ACKR3: variants seen among roughly 807,000 people sequenced by gnomAD.
ACKR3 encodes the protein atypical chemokine receptor 3.
ACKR3 carries 6 observed loss-of-function variants against 22.4 expected under a neutral mutation model. The observed-to-expected ratio is 0.27, with a 90% CI of 0.15 to 0.53. The LOEUF is 0.53. ACKR3 is among the 20% of genes least tolerant of loss of function. ACKR3 has a pLI of 0.96. For missense variants in ACKR3, 396 were observed against 475.2 expected, an observed-to-expected ratio of 0.83 and a Z score of 1.55; for synonymous variants, 209 against 205.2, an observed-to-expected ratio of 1.02 and a Z score of -0.16.
At chr2:236,550,300 T>G in the ACKR3 span, among the ~76,000 whole-genome samples, 1 of 152,222 alleles carries the variant, frequency 6.6e-6, no homozygotes, top group African/African-American at 2.4e-5. This position sits in a 1 kb window ranked among gnomAD's most constrained non-coding sequence, Gnocchi z 4.6. Flanking sequence ...GAGGTCCGCA[T>G]GGGAGATGTT....
the ACKR3 span, among the ~76,000 whole-genome samples, chr2:236,550,589 G>A: frequency 6.6e-6 from 1 of 152,124 alleles, no homozygotes; most frequent in Non-Finnish European, 1.5e-5. This position sits in a 1 kb window ranked among gnomAD's most constrained non-coding sequence, Gnocchi z 4.6. Context: ...CGGCAATGTG[G>A]GCTCTCAGAG....
chr2:236,562,074 A>G, the ACKR3 span, among the ~76,000 whole-genome samples: 1 of 152,232 alleles, frequency 6.6e-6, no homozygotes, highest in Non-Finnish European at 1.5e-5. Flanking sequence ...GTGTTCAACC[A>G]CTGAGTATGA....
At chr2:236,579,583 A>G (rs549801717) in intron 1 of ACKR3, among the ~76,000 whole-genome samples, 1 of 152,300 alleles carries the variant, frequency 6.6e-6, no homozygotes, top group Admixed American at 6.5e-5. Context: ...AGCAGGGAAA[A>G]CAGTTGGGAA....
the ACKR3 span, among the ~76,000 whole-genome samples, chr2:236,555,925 G>A: frequency 1.3e-5 from 2 of 152,144 alleles, no homozygotes; most frequent in East Asian, 1.9e-4. Flanking sequence ...TTGTTGTGAA[G>A]GATGTTTAGG....
chr2:236,579,165 G>A (rs1180604146), intron 1 of ACKR3, among the ~76,000 whole-genome samples: 1 of 152,200 alleles, frequency 6.6e-6, no homozygotes, highest in Admixed American at 6.5e-5. Flanking sequence ...TACCGCTAGC[G>A]TAGCCACCCG....
the ACKR3 span, among the ~76,000 whole-genome samples, chr2:236,540,511 A>C: frequency 8.5e-5 from 13 of 152,094 alleles, no homozygotes; most frequent in Non-Finnish European, 1.8e-4. Flanking sequence ...TTTTACTTTG[A>C]TTAACTCAAA....
chr2:236,563,611 A>T (rs1254224441), upstream of ACKR3, among the ~76,000 whole-genome samples: 1 of 152,204 alleles, frequency 6.6e-6, no homozygotes, highest in South Asian at 2.1e-4. Flanking sequence ...AAAGGCCCTG[A>T]GGTAGAAGCA....
the ACKR3 span, among the ~76,000 whole-genome samples, chr2:236,555,218 T>C: frequency 6.6e-6 from 1 of 152,346 alleles, no homozygotes; most frequent in Non-Finnish European, 1.5e-5. Flanking sequence ...TTCTTTGCTT[T>C]TGCTTTGTTT....
At chr2:236,564,049 C>G (rs952260113), upstream of ACKR3, among the ~76,000 whole-genome samples, 4 of 152,278 alleles carry the variant, frequency 2.6e-5, no homozygotes, top group African/African-American at 4.8e-5. Flanking sequence ...GGAATTGGAC[C>G]GAAAGGAAAA....
chr2:236,543,993 A>G, the ACKR3 span, among the ~76,000 whole-genome samples: 4 of 37,470 alleles, frequency 1.1e-4, no homozygotes, highest in East Asian at 6.3e-4. Context: ...ATATATATAT[A>G]CACTTTTTTT....
chr2:236,558,942 A>G, the ACKR3 span, among the ~76,000 whole-genome samples: 2 of 152,240 alleles, frequency 1.3e-5, no homozygotes, highest in African/African-American at 4.8e-5. Flanking sequence ...AATTCCCTGC[A>G]GGACTTAGAT....
chr2:236,578,019 G>A (rs940034450), intron 1 of ACKR3, among the ~76,000 whole-genome samples: 2 of 152,242 alleles, frequency 1.3e-5, no homozygotes, highest in African/African-American at 2.4e-5. Flanking sequence ...TGATGCAAAT[G>A]TGTTTCGTTT....
chr2:236,547,327 TC>T, the ACKR3 span, among the ~76,000 whole-genome samples: 3 of 152,236 alleles, frequency 2.0e-5, no homozygotes, highest in East Asian at 5.8e-4. Context: ...TTATGGAAGT[TC>T]AGGTCCTAAC....
chr2:236,544,808 G>A, the ACKR3 span, among the ~76,000 whole-genome samples: 1 of 152,204 alleles, frequency 6.6e-6, no homozygotes, highest in Admixed American at 6.5e-5. The surrounding 1 kb of genome is among the most constrained non-coding windows in gnomAD (Gnocchi z 5.0). Flanking sequence ...AGAGATGTGG[G>A]CTAGATTTGG....
chr2:236,556,365 G>A, the ACKR3 span, among the ~76,000 whole-genome samples: 1 of 152,096 alleles, frequency 6.6e-6, no homozygotes, highest in Non-Finnish European at 1.5e-5. Context: ...CCTGTGAATC[G>A]TCCCTTATAT....
At chr2:236,571,181 T>C (rs902117193) in intron 1 of ACKR3, among the ~76,000 whole-genome samples, 8 of 152,250 alleles carry the variant, frequency 5.3e-5, no homozygotes, top group Non-Finnish European at 1.2e-4. Flanking sequence ...CATCAGAATA[T>C]GAGCTTTCCC....
At chr2:236,540,795 T>C in the ACKR3 span, among the ~76,000 whole-genome samples, 1 of 152,246 alleles carries the variant, frequency 6.6e-6, no homozygotes, top group Non-Finnish European at 1.5e-5. Context: ...GGGAAATTGA[T>C]CAATCATGTA....
chr2:236,563,497 C>T (rs142675346), upstream of ACKR3, among the ~76,000 whole-genome samples: 12 of 152,152 alleles, frequency 7.9e-5, no homozygotes, highest in East Asian at 3.9e-4. Context: ...GTTAGAATGT[C>T]GAAAGAAGGT....
chr2:236,575,253 C>T (rs1691383351), intron 1 of ACKR3, among the ~76,000 whole-genome samples: 1 of 152,174 alleles, frequency 6.6e-6, no homozygotes. Context: ...CTTTTGTTCC[C>T]TCCTCCTACC....
Sources: allele counts gnomAD v4.1 joint callset (sites outside exome capture counted in the v4.1 genomes callset), GRCh38; gene constraint gnomAD v4.1.1; non-coding constraint Gnocchi (gnomAD v3.1); transcripts MANE v1.5; gene names NCBI Gene and HGNC (gene_info 2026-07-23, HGNC 2026-07-21).